The following TEX11 variants were observed in gnomAD, a reference collection of about 807,000 sequenced individuals.
The protein encoded by TEX11 is testis expressed 11, also known as testis-expressed protein 11.
Under a neutral mutation model 84.4 loss-of-function variants are expected in TEX11, and 7 were observed. That is an observed-to-expected ratio of 0.08 (90% CI 0.05 to 0.16). TEX11 has a LOEUF of 0.16. Among genes scored for constraint, TEX11 ranks in the 10% least tolerant of loss-of-function variants. The pLI, the probability that TEX11 is intolerant of heterozygous loss-of-function variation, is 1.00. For synonymous variants in TEX11, 264 were observed against 222.8 expected, an observed-to-expected ratio of 1.18 and a Z score of -1.64; for missense variants, 551 against 660.5, an observed-to-expected ratio of 0.83 and a Z score of 1.82.
chrX:70,870,920 G>A (rs917026172), intron 4 of TEX11, among the ~76,000 whole-genome samples: 1 of 111,079 alleles, frequency 9.0e-6, no homozygotes, highest in African/African-American at 3.3e-5. Flanking sequence ...ATTTTTTGGG[G>A]GGAGGGGGAG....
chrX:70,825,036 G>T (rs1351599652), intron 8 of TEX11, among the ~76,000 whole-genome samples: 2 of 111,685 alleles, frequency 1.8e-5, no homozygotes, highest in African/African-American at 3.3e-5. Context: ...TATAGGGGTT[G>T]GGTGTGTTGG....
At chrX:70,780,021 C>T (rs1488884136) in intron 9 of TEX11, among the ~76,000 whole-genome samples, 1 of 111,489 alleles carries the variant, frequency 9.0e-6, no homozygotes, top group Non-Finnish European at 1.9e-5. Context: ...AATCCCAGCA[C>T]CTTGGGAGGC....
intron 5 of TEX11, 67 bp from the exon 6 acceptor site, chrX:70,853,395 T>G: frequency 1.4e-6 from 1 of 737,794 alleles, no homozygotes; most frequent in Non-Finnish European, 2.0e-6. Flanking sequence ...TGGGGGAATA[T>G]TGGAGAAAAT....
intron 25 of TEX11, among the ~76,000 whole-genome samples, chrX:70,584,701 G>C (rs1430045483): frequency 8.9e-6 from 1 of 111,934 alleles, no homozygotes; most frequent in Non-Finnish European, 1.9e-5. Flanking sequence ...TATACAATCT[G>C]ATTAGGTGTG....
chrX:70,529,533 C>T (rs192022414), intron 29 of TEX11, among the ~76,000 whole-genome samples: 7 of 112,173 alleles, frequency 6.2e-5, no homozygotes, highest in Non-Finnish European at 1.3e-4. Context: ...CCAGTCCTTT[C>T]CCACATGCAC....
At chrX:70,571,493 CT>C (rs766737681) in intron 25 of TEX11, among the ~76,000 whole-genome samples, 1 of 112,060 alleles carries the variant, frequency 8.9e-6, no homozygotes, top group African/African-American at 3.2e-5. Context: ...AAAGCTATGT[CT>C]TTTCCTTTAT....
intron 17 of TEX11, among the ~76,000 whole-genome samples, chrX:70,648,123 T>A (rs1603192278): frequency 9.0e-6 from 1 of 111,290 alleles, no homozygotes; most frequent in Non-Finnish European, 1.9e-5. Flanking sequence ...GGGACATGGA[T>A]GAAGCTGGAA....
chrX:70,558,232 AT>A (rs910725913), intron 25 of TEX11, among the ~76,000 whole-genome samples: 23 of 111,446 alleles, frequency 2.1e-4, no homozygotes, highest in Non-Finnish European at 1.9e-5. Context: ...ATATATATAT[AT>A]ATGGAACAGA....
chrX:70,698,441 G>A (rs1369218022), intron 13 of TEX11, among the ~76,000 whole-genome samples: 3 of 109,112 alleles, frequency 2.7e-5, no homozygotes, highest in African/African-American at 1.0e-4. Flanking sequence ...CAATCAGACT[G>A]ATGGAAAAAT....
chrX:70,773,719 C>T (rs968202839), intron 9 of TEX11, among the ~76,000 whole-genome samples: 25 of 111,819 alleles, frequency 2.2e-4, no homozygotes, highest in African/African-American at 8.1e-4. Context: ...TTCAAGATGG[C>T]TAACTAAAGG....
At chrX:70,891,180 A>G (rs972194510) in intron 2 of TEX11, among the ~76,000 whole-genome samples, 3 of 111,895 alleles carry the variant, frequency 2.7e-5, no homozygotes, top group Non-Finnish European at 5.6e-5. Context: ...AAGGAATAGC[A>G]TCAACATCAA....
chrX:70,745,679 A>G (rs755374385), intron 9 of TEX11, among the ~76,000 whole-genome samples: 74 of 112,186 alleles, frequency 6.6e-4, no homozygotes, highest in Non-Finnish European at 1.1e-3. Context: ...GGTCGCAGTG[A>G]GCCAATACTG....
intron 25 of TEX11, among the ~76,000 whole-genome samples, chrX:70,569,852 C>T (rs1035689582): frequency 7.2e-5 from 8 of 111,681 alleles, no homozygotes; most frequent in African/African-American, 1.6e-4. Context: ...GCTCGGGGGT[C>T]GGTGTCAGGG....
At chrX:70,585,692 T>A (rs867019713) in intron 25 of TEX11, among the ~76,000 whole-genome samples, 69 of 111,952 alleles carry the variant, frequency 6.2e-4, no homozygotes, top group African/African-American at 2.1e-3. Flanking sequence ...AGTTAAGAAA[T>A]AAACCCATAC....
At chrX:70,565,775 G>GTACCA (rs2088461654) in intron 25 of TEX11, among the ~76,000 whole-genome samples, 1 of 110,979 alleles carries the variant, frequency 9.0e-6, no homozygotes, top group Non-Finnish European at 1.9e-5. Flanking sequence ...CTCTGTTTTG[G>GTACCA]TACCAGTACC....
chrX:70,867,450 A>G (rs902365209), intron 4 of TEX11, among the ~76,000 whole-genome samples: 1 of 112,079 alleles, frequency 8.9e-6, no homozygotes, highest in Non-Finnish European at 1.9e-5. Context: ...CATACTGCCC[A>G]AAGTAATTTA....
intron 28 of TEX11, among the ~76,000 whole-genome samples, chrX:70,544,085 T>C (rs1483411289): frequency 8.9e-6 from 1 of 112,219 alleles, no homozygotes; most frequent in East Asian, 2.8e-4. Flanking sequence ...TACAAGTTGC[T>C]CTGGGTGAGT....
intron 20 of TEX11, among the ~76,000 whole-genome samples, chrX:70,612,274 G>A (rs2089270289): frequency 9.0e-6 from 1 of 110,969 alleles, no homozygotes; most frequent in Non-Finnish European, 1.9e-5. Context: ...AAAATTAGAA[G>A]GCATACTAAA....
chrX:70,720,156 G>A (rs1232606709), intron 13 of TEX11, among the ~76,000 whole-genome samples: 1 of 111,958 alleles, frequency 8.9e-6, no homozygotes, highest in East Asian at 2.8e-4. Flanking sequence ...TTAAGAAAAT[G>A]TGGCATATAT....
Sources: gnomAD v4.1 joint callset for allele counts (sites outside exome capture counted in the v4.1 genomes callset) on GRCh38, gnomAD v4.1.1 for gene constraint, MANE v1.5 for transcripts, NCBI Gene and HGNC (gene_info 2026-07-23, HGNC 2026-07-21) for gene names.